Variants in MYH10 observed in about 807,000 individuals in gnomAD.
MYH10 encodes myosin heavy chain 10, also known as myosin-10.
Under a neutral mutation model 257.8 loss-of-function variants are expected in MYH10, and 55 were observed. The ratio of observed to expected loss-of-function variants is 0.21; its 90% CI spans 0.17 to 0.27. The LOEUF (loss-of-function observed/expected upper bound fraction) is 0.27, where lower values mean the gene tolerates loss of function less well. Among genes scored for constraint, MYH10 ranks in the 10% least tolerant of loss-of-function variants. The pLI is 1.00. For missense variants in MYH10, 1,631 were observed against 2,500.6 expected, an observed-to-expected ratio of 0.65 and a Z score of 7.42; for synonymous variants, 854 against 921.7, an observed-to-expected ratio of 0.93 and a Z score of 1.33.
chr17:8,523,986 A>C (rs550627477), intron 17 of MYH10, among the ~76,000 whole-genome samples: 4 of 152,284 alleles, frequency 2.6e-5, no homozygotes, highest in African/African-American at 9.6e-5. Flanking sequence ...GTGGAAGAGA[A>C]ATGTCAAGTG....
chr17:8,492,257 C>A lies in MYH10; in HGVS notation c.4671+40G>T, dbSNP rs771164442. The A allele has an allele frequency of 2.5e-5, 39 of 1,591,454 alleles. No individual in the cohort carries two copies. The South Asian group carries it at 4.2e-4, about 17-fold the overall frequency. Reference sequence around the variant, plus strand: ...TGTGAAGGCCCAGGCCCCTGGGATACTCTCCCGTGCGGAAGTGTGGAGCCC... The same window carrying A: ...TGTGAAGGCCCAGGCCCCTGGGATAATCTCCCGTGCGGAAGTGTGGAGCCC... On this transcript the variant is annotated intron_variant, in intron 34 of 42. Coordinates refer to ENST00000360416, the MANE Select transcript of MYH10 (RefSeq NM_001256012.3).
At chr17:8,508,243 T>C (rs559171914) in intron 26 of MYH10, among the ~76,000 whole-genome samples, 4 of 152,096 alleles carry the variant, frequency 2.6e-5, no homozygotes, top group East Asian at 3.9e-4. Context: ...GCTGGGACTA[T>C]AGATGTGCAC....
At chr17:8,494,200 C>T (rs146769328) in intron 31 of MYH10, among the ~76,000 whole-genome samples, 61 of 152,170 alleles carry the variant, frequency 4.0e-4, no homozygotes, top group African/African-American at 1.3e-3. Context: ...TCCTCAGTCA[C>T]GCCTGGAATC....
chr17:8,604,804 G>A, intron 3 of MYH10, 22 bp downstream of exon 3: 1 of 1,412,848 alleles, frequency 7.1e-7, no homozygotes, highest in Non-Finnish European at 9.4e-7. Flanking sequence ...TGAGCATTTA[G>A]TATTCAAATA....
intron 2 of MYH10, 43 bp downstream of exon 2, chr17:8,622,859 T>C: frequency 1.3e-6 from 2 of 1,586,910 alleles, no homozygotes; most frequent in Non-Finnish European, 1.7e-6. Flanking sequence ...TTACATTAAT[T>C]CCTAGCTACC....
intron 40 of MYH10, 106 bp downstream of exon 40, chr17:8,480,004 T>C: frequency 1.8e-6 from 2 of 1,090,052 alleles, no homozygotes; most frequent in Middle Eastern, 2.1e-4. Context: ...GTTATATGTG[T>C]TCTCTGCCCA....
intron 40 of MYH10, 108 bp from the exon 41 acceptor site, chr17:8,478,554 C>T (rs1913096963): frequency 1.1e-6 from 1 of 921,716 alleles, no homozygotes; most frequent in Non-Finnish European, 1.7e-6. Flanking sequence ...ATGGTGGAGG[C>T]ATTATGGACC....
chr17:8,488,017 G>A (rs1308184448), intron 35 of MYH10, among the ~76,000 whole-genome samples: 1 of 152,178 alleles, frequency 6.6e-6, no homozygotes, highest in Non-Finnish European at 1.5e-5. Context: ...AGGACATGGG[G>A]CATGGCCATG....
Position 8,552,789 on chromosome 17 carries a change from TCTGAAG to T in MYH10, c.821-651_821-646del, listed in dbSNP as rs1167571543. Among the ~76,000 whole-genome samples, 1 of 152,204 alleles carries T rather than the reference TCTGAAG, an allele frequency of 6.6e-6. No individual in the cohort carries two copies. The highest frequency in any genetic ancestry group is 1.5e-5 in the Non-Finnish European group (1 of 68,044). On this transcript the variant is annotated intron_variant, in intron 8 of 42. Transcript: ENST00000360416. This position sits in a 1 kb window ranked among gnomAD's most constrained non-coding sequence, Gnocchi z 4.8. ...TAAGCACTAGTCTTCCCTCTGCTGC[TCTGAAG>T]AACCGGTGCGGCCAGTACCTACGCC...
intron 37 of MYH10, among the ~76,000 whole-genome samples, chr17:8,483,278 G>T (rs1914169139): frequency 6.6e-6 from 1 of 152,152 alleles, no homozygotes; most frequent in South Asian, 2.1e-4. Flanking sequence ...GAGAGCTGAT[G>T]AGCTAAGTGT....
rs748234924 is a variant in MYH10, at chr17:8,506,282, T to A, written c.3386+36A>T. ...CAAAGTCTGCTGAAACTCAGCCCCATGGGCTCCCGTGCAGCGCAGCTGCTG... is the reference window on the plus strand; with the variant it reads ...CAAAGTCTGCTGAAACTCAGCCCCAAGGGCTCCCGTGCAGCGCAGCTGCTG... On this transcript the variant is annotated intron_variant, in intron 27 of 42. Coordinates refer to ENST00000360416, the MANE Select transcript of MYH10 (RefSeq NM_001256012.3). The surrounding 1 kb of genome is among the most constrained non-coding windows in gnomAD (Gnocchi z 5.0). The A allele has an allele frequency of 5.2e-6, 8 of 1,535,054 alleles. No individual in the cohort carries two copies.
At position 8,542,242 on chromosome 17, in the gene MYH10, A is replaced by G. The variant is rs1274408347; in HGVS notation, c.1470T>C (p.Asn490=). 3.1e-6 allele frequency: 5 copies of G among 1,614,120 alleles called. No individual in the cohort carries two copies. The highest frequency in any genetic ancestry group is 1.3e-5 in the African/African-American group (1 of 75,042). ...GGTTGAACAGCTGCTGCAGCTTCTC[A>G]TTGGTGTAGTTGATGCAAAGTTGTT... The part of the protein sequence containing the change: ...SFEQLCINYT[N]EKLQQLFNHT... The change falls in exon 14 of 43, where the codon AAT becomes AAC. Residue 490 remains asparagine (N), a synonymous_variant. Transcript: ENST00000360416.
At position 8,477,759 on chromosome 17, in the gene MYH10, G is replaced by A. The variant is rs1248329387; in HGVS notation, c.5706+579C>T. Among the ~76,000 whole-genome samples the A allele has an allele frequency of 6.6e-6, 1 of 152,218 alleles. No individual in the cohort carries two copies. Among genetic ancestry groups the A allele is most frequent in the Non-Finnish European group, 1.5e-5 (1 of 68,030 alleles). The stretch of plus-strand genomic sequence containing the variant: ...CACCTTTCTGGCCAGTGTCTGCAGT[G>A]TGAAGTCTCACCAGGCAGAGGGCAG... On this transcript the variant is annotated intron_variant, in intron 41 of 42. Transcript: ENST00000360416. This position sits in a 1 kb window ranked among gnomAD's most constrained non-coding sequence, Gnocchi z 4.2.
rs749997564 is a variant in MYH10, at chr17:8,492,290, G to A, written c.4671+7C>T. ...TGCGGAAGTGTGGAGCCCACCAGGC[G>A]ACTTACGTTTTTTCCCACATCATCT... On this transcript the variant is annotated splice_region_variant and intron_variant, in intron 34 of 42. Transcript: ENST00000360416. 30 of 1,610,636 alleles carry A rather than the reference G, an allele frequency of 1.9e-5. No individual in the cohort carries two copies. The highest frequency in any genetic ancestry group is 2.7e-5 in the African/African-American group (2 of 74,936).
intron 2 of MYH10, among the ~76,000 whole-genome samples, chr17:8,618,563 T>C (rs1406324319): frequency 2.0e-5 from 3 of 152,230 alleles, no homozygotes; most frequent in Admixed American, 1.3e-4. Flanking sequence ...TCTTAAAAAT[T>C]AGATGTAGTG....
At position 8,512,669 on chromosome 17, in the gene MYH10, A is replaced by G; in HGVS notation, c.2746-12T>C. 1.2e-6 allele frequency: 2 copies of G among 1,606,434 alleles called. No individual in the cohort carries two copies. The highest frequency in any genetic ancestry group is 1.1e-5 in the South Asian group (1 of 90,418). On this transcript the variant is annotated splice_polypyrimidine_tract_variant and intron_variant, in intron 23 of 42. Transcript: ENST00000360416. Reference sequence around the variant, plus strand: ...TTCTCTTCTAAAAGCTGCAATCACAATAAAGTGTCTGTGATTTGCCCCTAT... The same window carrying G: ...TTCTCTTCTAAAAGCTGCAATCACAGTAAAGTGTCTGTGATTTGCCCCTAT...
At chr17:8,516,416 T>G (rs561828948) in intron 21 of MYH10, among the ~76,000 whole-genome samples, 8 of 152,376 alleles carry the variant, frequency 5.3e-5, no homozygotes, top group African/African-American at 1.7e-4. Context: ...ATCCTGATTT[T>G]AAGTTCCAGC....
Position 8,492,514 on chromosome 17 carries a change from G to A in MYH10, c.4459-5C>T. On this transcript the variant is annotated splice_region_variant and splice_polypyrimidine_tract_variant and intron_variant, in intron 33 of 42. Coordinates refer to ENST00000360416, the MANE Select transcript of MYH10 (RefSeq NM_001256012.3). The stretch of plus-strand genomic sequence containing the variant: ...GCTCTTCTCTTCTGCTAACAGCTGT[G>A]CAGAAGGGGATGGGGGAATACGAAA... 1 of 1,606,790 alleles carries A rather than the reference G, an allele frequency of 6.2e-7. No individual in the cohort carries two copies. The highest frequency in any genetic ancestry group is 2.2e-5 in the East Asian group (1 of 44,746).
At chr17:8,541,536 A>T (rs1290440737) in intron 14 of MYH10, among the ~76,000 whole-genome samples, 1 of 152,172 alleles carries the variant, frequency 6.6e-6, no homozygotes, top group Non-Finnish European at 1.5e-5. Flanking sequence ...CGAAGCTTGA[A>T]CGTGAATGAG....
Sources: gnomAD v4.1 joint callset for allele counts (sites outside exome capture counted in the v4.1 genomes callset) on GRCh38, gnomAD v4.1.1 for gene constraint, Gnocchi (gnomAD v3.1) non-coding constraint, MANE v1.5 for transcripts, NCBI Gene and HGNC (gene_info 2026-07-23, HGNC 2026-07-21) for gene names.